The following ARL15 variants were observed in gnomAD, a reference collection of about 807,000 sequenced individuals.
ARL15 encodes the protein ADP-ribosylation factor-like protein 15.
ARL15 carries 19 observed loss-of-function variants against 25.2 expected under a neutral mutation model. The observed-to-expected ratio is 0.75, with a 90% CI of 0.53 to 1.10. The LOEUF (loss-of-function observed/expected upper bound fraction) is 1.10, where lower values mean the gene tolerates loss of function less well. ARL15 is among the 50% of genes least tolerant of loss of function. ARL15 has a pLI of 0.00. For synonymous variants in ARL15, 94 were observed against 86.8 expected, an observed-to-expected ratio of 1.08 and a Z score of -0.46; for missense variants, 220 against 246.0, an observed-to-expected ratio of 0.89 and a Z score of 0.71.
chr5:54,218,458 G>A (rs1347592934), intron 1 of ARL15, among the ~76,000 whole-genome samples: 2 of 152,086 alleles, frequency 1.3e-5, no homozygotes, highest in African/African-American at 4.8e-5. Flanking sequence ...ATCCTCTAAT[G>A]ACAAAAGCAG....
intron 1 of ARL15, among the ~76,000 whole-genome samples, chr5:54,230,927 A>C (rs977486448): frequency 6.6e-6 from 1 of 151,708 alleles, no homozygotes; most frequent in Non-Finnish European, 1.5e-5. Context: ...GAGATGAAAG[A>C]AATATTGAGA....
chr5:54,034,937 G>C (rs1750123308), intron 4 of ARL15, among the ~76,000 whole-genome samples: 1 of 151,792 alleles, frequency 6.6e-6, no homozygotes, highest in African/African-American at 2.4e-5. Flanking sequence ...CCAAAGTGCT[G>C]GGATTACAGG....
chr5:54,068,393 A>T (rs1751313253), intron 4 of ARL15, among the ~76,000 whole-genome samples: 1 of 152,212 alleles, frequency 6.6e-6, no homozygotes, highest in Non-Finnish European at 1.5e-5. Flanking sequence ...AGTCTCTAGA[A>T]AGTCAACGTA....
At chr5:53,903,592 C>T (rs1745138797) in intron 4 of ARL15, among the ~76,000 whole-genome samples, 1 of 152,142 alleles carries the variant, frequency 6.6e-6, no homozygotes, top group Admixed American at 6.6e-5. Flanking sequence ...GAGAACAAAC[C>T]CCTGTTAATG....
At chr5:53,948,320 T>C (rs1746818757) in intron 4 of ARL15, among the ~76,000 whole-genome samples, 1 of 152,248 alleles carries the variant, frequency 6.6e-6, no homozygotes, top group Non-Finnish European at 1.5e-5. Context: ...TCATCATGTA[T>C]GTAAAAACAG....
intron 2 of ARL15, among the ~76,000 whole-genome samples, chr5:54,156,758 C>A (rs993392078): frequency 6.6e-6 from 1 of 152,142 alleles, no homozygotes; most frequent in African/African-American, 2.4e-5. Context: ...ACAGTCAGCA[C>A]AGCATTATGG....
At chr5:54,172,988 G>T (rs1469889489) in intron 1 of ARL15, among the ~76,000 whole-genome samples, 4 of 152,044 alleles carry the variant, frequency 2.6e-5, no homozygotes, top group Non-Finnish European at 5.9e-5. Flanking sequence ...GGACCAGTCT[G>T]GCCAATGTGG....
intron 1 of ARL15, among the ~76,000 whole-genome samples, chr5:54,191,744 CTTGCT>C (rs1216188168): frequency 6.6e-6 from 1 of 152,158 alleles, no homozygotes; most frequent in African/African-American, 2.4e-5. Context: ...ACCCCAATCT[CTTGCT>C]TTGATTATTC....
chr5:54,191,440 A>G (rs144317804), intron 1 of ARL15, among the ~76,000 whole-genome samples: 75 of 152,286 alleles, frequency 4.9e-4, no homozygotes, highest in African/African-American at 1.7e-3. Flanking sequence ...ACTGAGCTGC[A>G]TACTTAAAAA....
At chr5:54,272,507 G>A (rs1757816208) in intron 1 of ARL15, among the ~76,000 whole-genome samples, 1 of 151,996 alleles carries the variant, frequency 6.6e-6, no homozygotes, top group African/African-American at 2.4e-5. Context: ...ATATACTCTT[G>A]GTGAAAATCA....
chr5:54,087,766 CTT>C lies in ARL15; in HGVS notation c.462+25434_462+25435del, dbSNP rs1185225790. 1.8e-4 allele frequency among the ~76,000 whole-genome samples: 3 copies of C among 16,292 alleles called. No homozygotes were observed. In the South Asian group the frequency reaches 6.1e-3, roughly 33 times the overall value. 10.7% of individuals were successfully genotyped at this position (16,292 alleles called of 152,430 possible). A position where few individuals can be genotyped will look rare whatever the true frequency, so the allele number is the denominator to read the frequency against. On this transcript the variant is annotated intron_variant, in intron 4 of 4. Coordinates refer to ENST00000504924, the MANE Select transcript of ARL15 (RefSeq NM_019087.3). ...CAAATATATATATATATTTGAGTCT[CTT>C]AAGTTCAAGTGATTCTCCTGCCTCA... is the stretch of plus-strand genomic sequence containing the variant.
Position 54,189,322 on chromosome 5 carries a change from A to G in ARL15, c.49-17394T>C, listed in dbSNP as rs75206995. Among the ~76,000 whole-genome samples, 549 of 152,336 alleles carry G rather than the reference A, an allele frequency of 3.6e-3. 18 individuals carry two copies. In the East Asian group the frequency reaches 0.076, roughly 21 times the overall value. On this transcript the variant is annotated intron_variant, in intron 1 of 4. Transcript: ENST00000504924. Reference sequence around the variant, plus strand: ...AAAAAGCCCATCCTAAAATTCATATAGAATCACAAATGACAAAACAATCTT... The same window carrying G: ...AAAAAGCCCATCCTAAAATTCATATGGAATCACAAATGACAAAACAATCTT...
chr5:54,149,107 G>T (rs77727090), intron 3 of ARL15, among the ~76,000 whole-genome samples: 3,365 of 152,244 alleles, frequency 0.022, 118 homozygotes, highest in African/African-American at 0.077. Context: ...TCAGCTAAAT[G>T]CCAGATGCTT....
At chr5:53,910,633 T>TTATATACATATATA (rs1745420945) in intron 4 of ARL15, among the ~76,000 whole-genome samples, 2 of 55,018 alleles carry the variant, frequency 3.6e-5, no homozygotes, top group Admixed American at 4.1e-4. Context: ...TAAAAAAAAA[T>TTATATACATATATA]TATATATATA....
intron 2 of ARL15, 65 bp downstream of exon 2, chr5:54,171,719 C>A: frequency 1.3e-6 from 2 of 1,514,496 alleles, no homozygotes; most frequent in Non-Finnish European, 1.8e-6. Flanking sequence ...GGATAAATTG[C>A]ACAGGAAACT....
intron 4 of ARL15, among the ~76,000 whole-genome samples, chr5:53,912,731 T>C (rs923099422): frequency 6.6e-6 from 1 of 152,210 alleles, no homozygotes; most frequent in Non-Finnish European, 1.5e-5. Context: ...TGCTAGAGTA[T>C]TGTGGAACCC....
At chr5:53,994,561 C>T (rs1748608140) in intron 4 of ARL15, among the ~76,000 whole-genome samples, 1 of 152,180 alleles carries the variant, frequency 6.6e-6, no homozygotes, top group Admixed American at 6.5e-5. Flanking sequence ...AACTTAGACA[C>T]ATTTAAACTG....
At chr5:54,074,315 A>C (rs1751519541) in intron 4 of ARL15, among the ~76,000 whole-genome samples, 1 of 152,168 alleles carries the variant, frequency 6.6e-6, no homozygotes, top group African/African-American at 2.4e-5. Flanking sequence ...AAATGCCTAA[A>C]ACCTACAATA....
intron 4 of ARL15, among the ~76,000 whole-genome samples, chr5:53,919,873 C>T (rs1003825642): frequency 1.3e-5 from 2 of 152,154 alleles, no homozygotes; most frequent in Non-Finnish European, 2.9e-5. Flanking sequence ...AGATCACTGT[C>T]CTGCCATTTT....
Sources: allele counts gnomAD v4.1 joint callset (sites outside exome capture counted in the v4.1 genomes callset), GRCh38; gene constraint gnomAD v4.1.1; transcripts MANE v1.5; gene names NCBI Gene and HGNC (gene_info 2026-07-23, HGNC 2026-07-21).